NDFIP2: variants seen among roughly 807,000 people sequenced by gnomAD.
NDFIP2 encodes Nedd4 family interacting protein 2.
NDFIP2 carries 19 observed loss-of-function variants against 36.0 expected under a neutral mutation model. That is an observed-to-expected ratio of 0.53 (90% CI 0.37 to 0.77). NDFIP2 has a LOEUF of 0.77. NDFIP2 is among the 30% of genes least tolerant of loss of function. The probability of loss-of-function intolerance (pLI) is 0.00; values close to 1 mark genes in which losing one functional copy is unlikely to be tolerated. For missense variants in NDFIP2, 446 were observed against 435.8 expected (o/e 1.02, Z -0.21); for synonymous variants, 181 against 167.7 (o/e 1.08, Z -0.61).
chr13:79,533,890 G>A (rs555009418), intron 3 of NDFIP2, among the ~76,000 whole-genome samples: 2 of 152,164 alleles, frequency 1.3e-5, no homozygotes, highest in Admixed American at 6.5e-5. Context: ...TCCCTAACCC[G>A]TGTATTGTTG....
chr13:79,481,404 G>T lies in NDFIP2; in HGVS notation c.201G>T (p.Thr67=). ...GAGGCGGAAGGGGCCCTGCGGCGAC[G>T]ACGTCGTCGACGGGGGTGGCCGTGG... The part of the protein sequence containing the change: ...RNGGGRGPAA[T]TSSTGVAVGA... The change falls in exon 1 of 8, where the codon ACG becomes ACT. Residue 67 remains threonine, a synonymous_variant. Coordinates refer to ENST00000218652, the MANE Select transcript of NDFIP2 (RefSeq NM_019080.3). 1 of 1,556,258 alleles carries T rather than the reference G, an allele frequency of 6.4e-7. No homozygotes were observed.
rs76782048 is a variant in NDFIP2 at position 79,483,072 on chromosome 13, C to T, written c.321+1548C>T. The stretch of plus-strand genomic sequence containing the variant: ...AAGATATTTGTTTTCCCAACAACTC[C>T]TTTCAAAATAAATGGGCATATTTTA... On this transcript the variant is annotated intron_variant, in intron 1 of 7. Transcript: ENST00000218652. Among the ~76,000 whole-genome samples the T allele has an allele frequency of 1.9e-3, 286 of 152,286 alleles. 2 individuals are homozygous for T. The highest frequency in any genetic ancestry group is 6.2e-3 in the African/African-American group (256 of 41,562).
At chr13:79,496,352 G>C (rs1184018133) in intron 1 of NDFIP2, among the ~76,000 whole-genome samples, 1 of 151,748 alleles carries the variant, frequency 6.6e-6, no homozygotes, top group Non-Finnish European at 1.5e-5. Flanking sequence ...TTGTCTGTTA[G>C]GTCTATAAAG....
chr13:79,506,101 T>C (rs966613076), intron 1 of NDFIP2, among the ~76,000 whole-genome samples: 1 of 152,196 alleles, frequency 6.6e-6, no homozygotes, highest in Non-Finnish European at 1.5e-5. Flanking sequence ...GAAATCTCTT[T>C]AACATGTTAC....
intron 1 of NDFIP2, among the ~76,000 whole-genome samples, chr13:79,483,272 C>A (rs1380470613): frequency 1.3e-5 from 2 of 151,932 alleles, no homozygotes; most frequent in Non-Finnish European, 2.9e-5. Context: ...AGGCAACTTA[C>A]AACTAACATT....
At chr13:79,523,973 TGTA>T (rs1874692130) in intron 2 of NDFIP2, among the ~76,000 whole-genome samples, 1 of 152,218 alleles carries the variant, frequency 6.6e-6, no homozygotes, top group Non-Finnish European at 1.5e-5. Context: ...CTGCAGAGGT[TGTA>T]GTGCTTCAGT....
chr13:79,542,211 T>A (rs1295902247), intron 4 of NDFIP2, among the ~76,000 whole-genome samples: 1 of 152,218 alleles, frequency 6.6e-6, no homozygotes, highest in Admixed American at 6.5e-5. Flanking sequence ...ACTTTTCTTC[T>A]GAGGTTTAGC....
At chr13:79,496,344 G>T (rs1484584782) in intron 1 of NDFIP2, among the ~76,000 whole-genome samples, 1 of 151,844 alleles carries the variant, frequency 6.6e-6, no homozygotes, top group Non-Finnish European at 1.5e-5. Flanking sequence ...CTGAGTATTT[G>T]TCTGTTAGGT....
intron 1 of NDFIP2, among the ~76,000 whole-genome samples, chr13:79,503,461 T>C (rs1422571410): frequency 6.6e-6 from 1 of 152,108 alleles, no homozygotes; most frequent in Middle Eastern, 3.4e-3. Context: ...GGATAGAAGG[T>C]AAAATCAGGT....
In NDFIP2 at chr13:79,526,802, C is replaced by T. The variant is rs577988674; in HGVS notation, c.487+5827C>T. ...TTACTGTGTGCTTACTGCATACCTG[C>T]CCTTTCTCCCAAGTTCTTAGGTATA... On this transcript the variant is annotated intron_variant, in intron 2 of 7. Transcript: ENST00000218652. 2.0e-5 allele frequency among the ~76,000 whole-genome samples: 3 copies of T among 152,294 alleles called. No homozygotes were observed. In the Middle Eastern group the frequency reaches 0.01, roughly 518 times the overall value.
chr13:79,506,139 A>G (rs927789740), intron 1 of NDFIP2, among the ~76,000 whole-genome samples: 4 of 152,186 alleles, frequency 2.6e-5, no homozygotes, highest in Non-Finnish European at 5.9e-5. Context: ...AAACAGAAAG[A>G]TATGTTCCTT....
At chr13:79,512,050 T>G (rs1159988582) in intron 1 of NDFIP2, among the ~76,000 whole-genome samples, 1 of 152,260 alleles carries the variant, frequency 6.6e-6, no homozygotes, top group East Asian at 1.9e-4. Context: ...GAATTATGCA[T>G]ATATTCTTTG....
At chr13:79,507,751 A>G (rs1164786691) in intron 1 of NDFIP2, among the ~76,000 whole-genome samples, 5 of 151,934 alleles carry the variant, frequency 3.3e-5, no homozygotes, top group Non-Finnish European at 7.4e-5. Context: ...CACTTCAAAC[A>G]TAAAGTAAAA....
At chr13:79,516,041 T>C (rs578233546) in intron 1 of NDFIP2, among the ~76,000 whole-genome samples, 243 of 152,130 alleles carry the variant, frequency 1.6e-3, no homozygotes, top group African/African-American at 5.7e-3. Flanking sequence ...AGATTGACTA[T>C]TTAATTTTAC....
At position 79,555,859 on chromosome 13, in the gene NDFIP2, G is replaced by C. The variant is rs985853332; in HGVS notation, c.*3346G>C. The C allele has an allele frequency of 1.3e-5, 2 of 152,068 alleles. No homozygotes were observed. The highest frequency in any genetic ancestry group is 4.8e-5 in the African/African-American group (2 of 41,414). The allele number at this position is 152,068 out of a possible 1,614,324, so 9.4% of individuals were successfully genotyped here. A position where few individuals can be genotyped will look rare whatever the true frequency, so the allele number is the denominator to read the frequency against. On this transcript the variant is annotated 3_prime_UTR_variant, in exon 8 of 8. Coordinates refer to ENST00000218652, the MANE Select transcript of NDFIP2 (RefSeq NM_019080.3). ...TATAGATGTGGAAGTGTGAACCTGT[G>C]ATGCATCCTTTTCAAAATCAGTTTA...
At chr13:79,543,125 C>A (rs1404954265) in intron 4 of NDFIP2, among the ~76,000 whole-genome samples, 1 of 152,200 alleles carries the variant, frequency 6.6e-6, no homozygotes, top group Non-Finnish European at 1.5e-5. Context: ...GATCCCCCTG[C>A]CTTGGCCTCC....
chr13:79,520,895 C>T lies in NDFIP2; in HGVS notation c.407C>T (p.Ala136Val), dbSNP rs11549502. ...CCAGCACCGCAGATTGTGCAGGCTG[C>T]GTCTTCAGCACCAGCACTTGAAACT... is the stretch of plus-strand genomic sequence containing the variant. The part of the protein sequence containing the change: ...SNPAPQIVQA[A>V]SSAPALETDS... The change falls in exon 2 of 8, where the codon GCG (alanine) becomes GTG (valine). Residue 136 changes from alanine to valine, a missense_variant. Coordinates refer to ENST00000218652, the MANE Select transcript of NDFIP2 (RefSeq NM_019080.3). 199,861 of 1,613,344 alleles carry T rather than the reference C, an allele frequency of 0.12. 13,580 individuals are homozygous for T. Among genetic ancestry groups the T allele is most frequent in the Middle Eastern group, 0.23 (1,363 of 6,054 alleles).
intron 4 of NDFIP2, 46 bp downstream of exon 4, chr13:79,539,821 C>T: frequency 6.8e-7 from 1 of 1,476,912 alleles, no homozygotes; most frequent in Non-Finnish European, 9.5e-7. Context: ...TATGAATTGG[C>T]TGTATGTGTA....
At chr13:79,490,330 G>A (rs1259656991) in intron 1 of NDFIP2, among the ~76,000 whole-genome samples, 1 of 152,132 alleles carries the variant, frequency 6.6e-6, no homozygotes, top group Non-Finnish European at 1.5e-5. Flanking sequence ...TTAAGACAGT[G>A]ATCACAGGGT....
Sources: allele counts gnomAD v4.1 joint callset (sites outside exome capture counted in the v4.1 genomes callset), GRCh38; gene constraint gnomAD v4.1.1; transcripts MANE v1.5; gene names NCBI Gene and HGNC (gene_info 2026-07-23, HGNC 2026-07-21).